SUGCT: variants seen among roughly 807,000 people sequenced by gnomAD.
SUGCT encodes the protein succinyl-CoA:glutarate-CoA transferase, also known as succinyl-CoA:glutarate CoA-transferase.
SUGCT carries 41 observed loss-of-function variants against 55.0 expected under a neutral mutation model. That is an observed-to-expected ratio of 0.74 (90% CI 0.58 to 0.97). The LOEUF (loss-of-function observed/expected upper bound fraction) is 0.97. Among genes scored for constraint, SUGCT ranks in the 50% least tolerant of loss-of-function variants. The pLI is 0.00. For missense variants in SUGCT, 568 were observed against 547.8 expected (o/e 1.04, Z -0.37); for synonymous variants, 187 against 200.4 (o/e 0.93, Z 0.56).
At chr7:40,647,733 C>G (rs1340446059) in intron 12 of SUGCT, among the ~76,000 whole-genome samples, 4 of 151,994 alleles carry the variant, frequency 2.6e-5, no homozygotes, top group Non-Finnish European at 5.9e-5. Flanking sequence ...CACCTGTAAT[C>G]CCAGCTACTC....
At chr7:40,459,077 T>C in intron 10 of SUGCT, 24 bp from the exon 11 acceptor site, 1 of 1,531,094 alleles carries the variant, frequency 6.5e-7, no homozygotes, top group Non-Finnish European at 9.0e-7. Flanking sequence ...TTTCTTATAC[T>C]GGAAAATTAT....
chr7:40,216,664 C>T (rs1192401050), intron 6 of SUGCT, among the ~76,000 whole-genome samples: 4 of 151,832 alleles, frequency 2.6e-5, no homozygotes, highest in Non-Finnish European at 4.4e-5. Context: ...TCAGCCTGGC[C>T]AACATGGTCA....
intron 9 of SUGCT, among the ~76,000 whole-genome samples, chr7:40,383,368 C>T (rs1784964697): frequency 6.6e-6 from 1 of 152,148 alleles, no homozygotes; most frequent in Non-Finnish European, 1.5e-5. Flanking sequence ...TGAAGTAGCA[C>T]TATGTTTTAT....
Position 40,316,800 on chromosome 7 carries a change from G to C in SUGCT, c.761G>C (p.Gly254Ala), listed in dbSNP as rs530175116. ...LSHIAANYLIGQKEAKRWGTA... is the reference protein window; with the variant it reads ...LSHIAANYLIAQKEAKRWGTA... Reference sequence around the variant, plus strand: ...CACATAGCTGCAAATTATCTTATTGGTCAAAAGGAAGCAAAACGTTGGGGT... The same window carrying C: ...CACATAGCTGCAAATTATCTTATTGCTCAAAAGGAAGCAAAACGTTGGGGT... Residue 254 changes from glycine to alanine, a missense_variant, in exon 9 of 14, where the codon GGT becomes GCT. Coordinates refer to ENST00000335693, the MANE Select transcript of SUGCT (RefSeq NM_001193313.2). The C allele has an allele frequency of 2.5e-6, 4 of 1,603,116 alleles. No individual in the cohort carries two copies. The South Asian group carries it at 4.5e-5, about 18-fold the overall frequency.
In SUGCT at chr7:40,727,737, G is replaced by T. The variant is rs114747385; in HGVS notation, c.1090-21697G>T. ...TGTTTAGTAACTATGTGCAGAAAGA[G>T]AATTTTGTAAACCTAGGAAAATGCT... On this transcript the variant is annotated intron_variant, in intron 12 of 13. Coordinates refer to ENST00000335693, the MANE Select transcript of SUGCT (RefSeq NM_001193313.2). Among the ~76,000 whole-genome samples, 1,366 of 152,280 alleles carry T rather than the reference G, an allele frequency of 9.0e-3. 14 individuals are homozygous for T. The highest frequency in any genetic ancestry group is 0.031 in the African/African-American group (1,282 of 41,566).
chr7:40,528,876 CAT>C (rs1253011696), intron 12 of SUGCT, among the ~76,000 whole-genome samples: 4 of 152,138 alleles, frequency 2.6e-5, no homozygotes, highest in Non-Finnish European at 2.9e-5. Context: ...ATCTTTCAAA[CAT>C]GTGTAGCAAG....
At chr7:40,245,404 C>CACATATATATATATATATATATATAT (rs1252155153) in intron 7 of SUGCT, among the ~76,000 whole-genome samples, 4 of 53,312 alleles carry the variant, frequency 7.5e-5, no homozygotes, top group African/African-American at 3.7e-4. Flanking sequence ...ACGTAGTAGA[C>CACATATATATATATATATATATATAT]ATATATATAT....
chr7:41,018,441 G>A, the SUGCT span, among the ~76,000 whole-genome samples: 1 of 152,170 alleles, frequency 6.6e-6, no homozygotes, highest in Admixed American at 6.5e-5. Context: ...GCATGGCAGG[G>A]AATGAGAAAC....
chr7:40,155,216 C>T (rs563825483), intron 1 of SUGCT, among the ~76,000 whole-genome samples: 7 of 150,914 alleles, frequency 4.6e-5, no homozygotes, highest in South Asian at 2.1e-4. Context: ...ACCTGGGAGG[C>T]GGAGGTTGCA....
intron 1 of SUGCT, among the ~76,000 whole-genome samples, chr7:40,142,399 T>A (rs1355148751): frequency 6.6e-6 from 1 of 152,194 alleles, no homozygotes; most frequent in East Asian, 1.9e-4. Flanking sequence ...CTTTAACATG[T>A]CTTGGCTTAG....
chr7:40,635,005 G>C (rs900803666), intron 12 of SUGCT, among the ~76,000 whole-genome samples: 6 of 152,178 alleles, frequency 3.9e-5, no homozygotes, highest in African/African-American at 1.4e-4. Flanking sequence ...TGGGACTGAG[G>C]CTGGGTGCGG....
intron 9 of SUGCT, among the ~76,000 whole-genome samples, chr7:40,326,338 A>G (rs1231442585): frequency 2.6e-5 from 4 of 152,190 alleles, no homozygotes; most frequent in Admixed American, 1.3e-4. Context: ...AAAGCCCTCA[A>G]TAAAAGGTGG....
At chr7:40,958,479 C>T in the SUGCT span, among the ~76,000 whole-genome samples, 1 of 151,790 alleles carries the variant, frequency 6.6e-6, no homozygotes, top group South Asian at 2.1e-4. Flanking sequence ...GTATGCTTCA[C>T]GAAGTTCTCG....
At chr7:40,215,219 T>TGC (rs1287704933) in intron 6 of SUGCT, among the ~76,000 whole-genome samples, 1 of 152,184 alleles carries the variant, frequency 6.6e-6, no homozygotes, top group Non-Finnish European at 1.5e-5. Context: ...TATGACTCAC[T>TGC]GCAGCCTTGA....
intron 12 of SUGCT, among the ~76,000 whole-genome samples, chr7:40,517,232 T>C (rs1793289391): frequency 6.6e-6 from 1 of 151,874 alleles, no homozygotes; most frequent in African/African-American, 2.4e-5. Context: ...TAGCATTTTT[T>C]TTTTTTTCGA....
chr7:40,310,150 T>C (rs559761582), intron 8 of SUGCT, among the ~76,000 whole-genome samples: 3 of 152,194 alleles, frequency 2.0e-5, no homozygotes, highest in Non-Finnish European at 4.4e-5. Flanking sequence ...CTCAGCCAGG[T>C]GATCAAGATT....
At chr7:40,219,657 G>T (rs773201031) in intron 6 of SUGCT, among the ~76,000 whole-genome samples, 3 of 151,964 alleles carry the variant, frequency 2.0e-5, no homozygotes, top group Non-Finnish European at 4.4e-5. Flanking sequence ...TGCCAATCAC[G>T]GGGGTAGGGG....
At chr7:40,848,415 A>G (rs977000655) in intron 13 of SUGCT, among the ~76,000 whole-genome samples, 1 of 152,144 alleles carries the variant, frequency 6.6e-6, no homozygotes, top group Admixed American at 6.5e-5. Context: ...AGCTGTGTCT[A>G]TGGCTCGTGT....
chr7:40,461,580 T>C (rs959199346), intron 11 of SUGCT, among the ~76,000 whole-genome samples: 1 of 152,200 alleles, frequency 6.6e-6, no homozygotes, highest in African/African-American at 2.4e-5. Flanking sequence ...ACATTGTCCT[T>C]TTCATGCCTT....
Sources: allele counts gnomAD v4.1 joint callset (sites outside exome capture counted in the v4.1 genomes callset), GRCh38; gene constraint gnomAD v4.1.1; transcripts MANE v1.5; gene names NCBI Gene and HGNC (gene_info 2026-07-23, HGNC 2026-07-21).